Variants in USP34 observed in about 807,000 individuals in gnomAD.
The protein encoded by USP34 is ubiquitin specific peptidase 34.
USP34 carries 70 observed loss-of-function variants against 460.3 expected under a neutral mutation model. That is an observed-to-expected ratio of 0.15 (90% CI 0.13 to 0.19). The LOEUF (loss-of-function observed/expected upper bound fraction) is 0.19, where lower values mean the gene tolerates loss of function less well. USP34 is among the 10% of genes least tolerant of loss of function. USP34 has a pLI of 1.00. For synonymous variants in USP34, 1,647 were observed against 1,405.3 expected, an observed-to-expected ratio of 1.17 and a Z score of -3.85; for missense variants, 3,985 against 4,236.2, an observed-to-expected ratio of 0.94 and a Z score of 1.65.
chr2:61,418,698 G>A (rs1694271444), intron 2 of USP34, among the ~76,000 whole-genome samples: 1 of 152,134 alleles, frequency 6.6e-6, no homozygotes, highest in African/African-American at 2.4e-5. Flanking sequence ...ATAATTTAGG[G>A]GAGGAAGAGA....
At chr2:61,314,778 C>T in intron 24 of USP34, 34 bp from the exon 25 acceptor site, 1 of 1,578,392 alleles carries the variant, frequency 6.3e-7, no homozygotes, top group Non-Finnish European at 8.6e-7. Context: ...ATATATTAGC[C>T]TTATATTCTT....
intron 43 of USP34, among the ~76,000 whole-genome samples, chr2:61,262,666 T>C (rs1688927199): frequency 6.6e-6 from 1 of 152,158 alleles, no homozygotes; most frequent in Admixed American, 6.5e-5. Context: ...TGTGTCTTCA[T>C]GGTAGGATGA....
intron 1 of USP34, among the ~76,000 whole-genome samples, chr2:61,431,109 G>A (rs1694664228): frequency 6.6e-6 from 1 of 152,214 alleles, no homozygotes; most frequent in African/African-American, 2.4e-5. Context: ...GGAATGTAGG[G>A]AGAGATTGGT....
At chr2:61,203,312 G>C in intron 74 of USP34, 49 bp from the exon 75 acceptor site, 1 of 1,403,670 alleles carries the variant, frequency 7.1e-7, no homozygotes, top group Non-Finnish European at 9.3e-7. Flanking sequence ...GTATAATAAA[G>C]AGCATATTTT....
intron 27 of USP34, among the ~76,000 whole-genome samples, chr2:61,307,420 A>C (rs1288723022): frequency 6.6e-6 from 1 of 152,136 alleles, no homozygotes; most frequent in African/African-American, 2.4e-5. Flanking sequence ...CATTTGTAAC[A>C]AACCTGCGCG....
intron 33 of USP34, among the ~76,000 whole-genome samples, chr2:61,292,975 A>T (rs1250009739): frequency 6.6e-6 from 1 of 152,150 alleles, no homozygotes; most frequent in Admixed American, 6.5e-5. Context: ...AAAATACAGC[A>T]ACAATGTCTA....
Position 61,383,345 on chromosome 2 carries a change from G to A in USP34, c.754-9C>T, listed in dbSNP as rs755223805. On this transcript the variant is annotated splice_polypyrimidine_tract_variant and intron_variant, in intron 5 of 79. Coordinates refer to ENST00000398571, the MANE Select transcript of USP34 (RefSeq NM_014709.4). ...TGTAGCCATATTCTAATCTATATAA[G>A]AAACATAAAAACAACATTAATGCCT... 1.9e-6 allele frequency: 3 copies of A among 1,583,276 alleles called. No individual in the cohort carries two copies. Among genetic ancestry groups the A allele is most frequent in the Non-Finnish European group, 2.6e-6 (3 of 1,160,876 alleles).
In USP34 at chr2:61,311,643, C is replaced by T; in HGVS notation, c.3714G>A (p.Arg1238=). The part of the protein sequence containing the change: ...MYPSDQVADL[R]AEVTHWYENL... ...TTTCATACCAATGAGTTACTTCAGC[C>T]CTAAGATCTGCTACCTGGTCACTAG... Residue 1238 remains arginine, a synonymous_variant, in exon 27 of 80, where the codon AGG becomes AGA. Coordinates refer to ENST00000398571, the MANE Select transcript of USP34 (RefSeq NM_014709.4). 1 of 1,613,442 alleles carries T rather than the reference C, an allele frequency of 6.2e-7. No homozygotes were observed.
At chr2:61,426,189 C>A (rs1356802610) in intron 1 of USP34, among the ~76,000 whole-genome samples, 2 of 152,076 alleles carry the variant, frequency 1.3e-5, no homozygotes, top group Non-Finnish European at 2.9e-5. Flanking sequence ...GGCTATGGGG[C>A]AAAACTCCTA....
At chr2:61,287,459 T>C (rs928629184) in intron 34 of USP34, among the ~76,000 whole-genome samples, 1 of 152,172 alleles carries the variant, frequency 6.6e-6, no homozygotes, top group Non-Finnish European at 1.5e-5. Flanking sequence ...AGTTGACCCT[T>C]GAACAACACA....
chr2:61,254,734 T>A (rs987238038), intron 48 of USP34, among the ~76,000 whole-genome samples: 2 of 152,222 alleles, frequency 1.3e-5, no homozygotes, highest in African/African-American at 2.4e-5. Context: ...GGTGGGCGGA[T>A]TGTTTGAGCC....
In USP34 at chr2:61,399,207, C is replaced by T. The variant is rs146052022; in HGVS notation, c.553-3974G>A. 7.2e-5 allele frequency among the ~76,000 whole-genome samples: 11 copies of T among 152,070 alleles called. 1 individual carries two copies. The East Asian group carries it at 1.7e-3, about 24-fold the overall frequency. ...TACAAAAATTAGCTGGGTGTCGTGA[C>T]GCATGCCTGTAATCCCAGCTACTCA... On this transcript the variant is annotated intron_variant, in intron 3 of 79. Coordinates refer to ENST00000398571, the MANE Select transcript of USP34 (RefSeq NM_014709.4).
At chr2:61,339,815 C>A in intron 16 of USP34, 134 bp from the exon 17 acceptor site, 2 of 446,506 alleles carry the variant, frequency 4.5e-6, no homozygotes, top group Non-Finnish European at 7.5e-6. Context: ...CACATTAGCA[C>A]AATATTTTGT....
At chr2:61,450,919 C>G (rs1305804227) in intron 1 of USP34, among the ~76,000 whole-genome samples, 1 of 147,862 alleles carries the variant, frequency 6.8e-6, no homozygotes, top group Non-Finnish European at 1.5e-5. Flanking sequence ...AAAGTTTCAT[C>G]TTAACAAATG....
Position 61,190,258 on chromosome 2 carries a change from G to A in USP34, c.9873+13C>T. 5 of 1,603,142 alleles carry A rather than the reference G, an allele frequency of 3.1e-6. No individual in the cohort carries two copies. The highest frequency in any genetic ancestry group is 4.2e-6 in the Non-Finnish European group (5 of 1,176,546). ...TTTAAAAGTGTGTGCCGCCGCCTCT[G>A]CATAGTTCTTACCCCATTTAAAGAA... On this transcript the variant is annotated intron_variant, in intron 78 of 79. Coordinates refer to ENST00000398571, the MANE Select transcript of USP34 (RefSeq NM_014709.4).
At chr2:61,438,274 C>T (rs989223999) in intron 1 of USP34, among the ~76,000 whole-genome samples, 4 of 151,928 alleles carry the variant, frequency 2.6e-5, no homozygotes, top group East Asian at 1.9e-4. Flanking sequence ...TCAATAGAAT[C>T]GGAAAAAGCA....
chr2:61,463,311 C>T (rs894469311), intron 1 of USP34, among the ~76,000 whole-genome samples: 9 of 151,942 alleles, frequency 5.9e-5, no homozygotes, highest in East Asian at 1.9e-4. Flanking sequence ...ATGGGTGATA[C>T]ACTGTCTCTT....
chr2:61,446,305 C>G (rs778816717), intron 1 of USP34, among the ~76,000 whole-genome samples: 29 of 152,176 alleles, frequency 1.9e-4, no homozygotes, highest in Non-Finnish European at 3.4e-4. Flanking sequence ...TGCTTCTGTA[C>G]TCCATCATAT....
rs1417842546 is a variant in USP34 at position 61,236,432 on chromosome 2, TCATTA to T, written c.6778-48_6778-44del. ...AACATTAGTGATAAAGCAGTTTACTTCATTACATTTTACCAATATTTTTATTAGAC... is the reference window on the plus strand; with the variant it reads ...AACATTAGTGATAAAGCAGTTTACTTCATTTTACCAATATTTTTATTAGAC... On this transcript the variant is annotated intron_variant, in intron 53 of 79. Transcript: ENST00000398571. 5.7e-6 allele frequency: 8 copies of T among 1,396,994 alleles called. No homozygotes were observed. In the Admixed American group the frequency reaches 7.1e-5, roughly 12 times the overall value. 86.5% of individuals were successfully genotyped at this position (1,396,994 alleles called of 1,614,324 possible).
Sources: gnomAD v4.1 joint callset for allele counts (sites outside exome capture counted in the v4.1 genomes callset) on GRCh38, gnomAD v4.1.1 for gene constraint, MANE v1.5 for transcripts, NCBI Gene and HGNC (gene_info 2026-07-23, HGNC 2026-07-21) for gene names.